TRPM1: variants seen among roughly 807,000 people sequenced by gnomAD.
TRPM1 encodes TRPM1-203 APA Isoform, Intron 10.
TRPM1 carries 113 observed loss-of-function variants against 149.4 expected under a neutral mutation model. The observed-to-expected ratio is 0.76, with a 90% CI of 0.65 to 0.88. The LOEUF (loss-of-function observed/expected upper bound fraction) is 0.88. Ranked by LOEUF, TRPM1 falls within the 40% of genes least tolerant of loss-of-function variation. The pLI, the probability that TRPM1 is intolerant of heterozygous loss-of-function variation, is 0.00. For missense variants in TRPM1, 1,976 were observed against 2,038.7 expected (o/e 0.97, Z 0.59); for synonymous variants, 741 against 759.5 (o/e 0.98, Z 0.40).
At chr15:31,030,739 G>A (rs986017981) in intron 23 of TRPM1, among the ~76,000 whole-genome samples, 1 of 152,158 alleles carries the variant, frequency 6.6e-6, no homozygotes, top group Non-Finnish European at 1.5e-5. Flanking sequence ...CATGTGACAC[G>A]ATGTCCATCA....
chr15:31,098,309 G>A lies in TRPM1; in HGVS notation c.-84+3348C>T, dbSNP rs1036407219. On this transcript the variant is annotated intron_variant, in intron 1 of 27. Coordinates refer to ENST00000256552, the MANE Select transcript of TRPM1 (RefSeq NM_001252024.2). Reference sequence around the variant, plus strand: ...TACAAAATTAGCTGGGCGTGGTGGCGGGCACCTGTAATCCCAGCTAGTTGG... The same window carrying A: ...TACAAAATTAGCTGGGCGTGGTGGCAGGCACCTGTAATCCCAGCTAGTTGG... Among the ~76,000 whole-genome samples, 6 of 152,114 alleles carry A rather than the reference G, an allele frequency of 3.9e-5. No individual in the cohort carries two copies. In the East Asian group the frequency reaches 5.8e-4, roughly 15 times the overall value.
intron 1 of TRPM1, among the ~76,000 whole-genome samples, chr15:31,084,676 CTTTT>C (rs59470983): frequency 7.8e-6 from 1 of 128,472 alleles, no homozygotes; most frequent in Non-Finnish European, 1.6e-5. Context: ...TTTTTCTTTT[CTTTT>C]TTTTTTTTTT....
intron 22 of TRPM1, among the ~76,000 whole-genome samples, chr15:31,032,378 T>C (rs1376259230): frequency 1.3e-5 from 2 of 152,096 alleles, no homozygotes; most frequent in African/African-American, 4.8e-5. Context: ...CTGATATATA[T>C]TGAGAGAGAT....
intron 1 of TRPM1, among the ~76,000 whole-genome samples, chr15:31,088,834 G>T (rs548490085): frequency 6.6e-6 from 1 of 150,422 alleles, no homozygotes; most frequent in African/African-American, 2.4e-5. Flanking sequence ...CCTTTGTACC[G>T]GGGCGATGCG....
At chr15:31,026,779 T>C in intron 26 of TRPM1, 136 bp downstream of exon 26, 1 of 900,094 alleles carries the variant, frequency 1.1e-6, no homozygotes, top group Admixed American at 2.3e-5. Flanking sequence ...AGAAGCCTTT[T>C]GAAAAGAACA....
intron 1 of TRPM1, among the ~76,000 whole-genome samples, chr15:31,124,796 G>C (rs2035925728): frequency 6.6e-6 from 1 of 152,138 alleles, no homozygotes; most frequent in Admixed American, 6.5e-5. Flanking sequence ...ATGAACAGTT[G>C]GAGTACAGGG....
chr15:31,149,719 C>T (rs532933232), intron 1 of TRPM1, among the ~76,000 whole-genome samples: 37 of 152,184 alleles, frequency 2.4e-4, no homozygotes, highest in Non-Finnish European at 4.7e-4. Flanking sequence ...CGGGGTTTCA[C>T]CGTGTTAGCC....
At chr15:31,066,585 G>A (rs975990137) in intron 6 of TRPM1, among the ~76,000 whole-genome samples, 67 of 152,122 alleles carry the variant, frequency 4.4e-4, no homozygotes, top group African/African-American at 1.4e-3. Context: ...AAAGAAACTG[G>A]TGCCTCCATA....
At position 31,026,089 on chromosome 15, in the gene TRPM1, A is replaced by C. The variant is rs1190235189; in HGVS notation, c.3629+50T>G. The C allele has an allele frequency of 4.4e-6, 7 of 1,606,180 alleles. No homozygotes were observed. The East Asian group carries it at 1.6e-4, about 36-fold the overall frequency. On this transcript the variant is annotated intron_variant, in intron 27 of 27. Coordinates refer to ENST00000256552, the MANE Select transcript of TRPM1 (RefSeq NM_001252024.2). ...CATCCCCCATAGAGTGGGGCGCCCG[A>C]GTCAGCAAACCCTTGGCTCACGGGC...
intron 1 of TRPM1, among the ~76,000 whole-genome samples, chr15:31,130,735 G>A (rs1011474461): frequency 8.5e-5 from 13 of 152,264 alleles, no homozygotes; most frequent in African/African-American, 3.1e-4. Flanking sequence ...TGCAGTGTGG[G>A]AGGACAGCTT....
intron 16 of TRPM1, among the ~76,000 whole-genome samples, chr15:31,044,997 G>A (rs897577270): frequency 6.6e-6 from 1 of 152,094 alleles, no homozygotes; most frequent in African/African-American, 2.4e-5. Context: ...CTATTATGAA[G>A]TAGTATTATG....
chr15:31,033,960 G>A (rs943293105), intron 21 of TRPM1, among the ~76,000 whole-genome samples: 1 of 152,180 alleles, frequency 6.6e-6, no homozygotes, highest in East Asian at 1.9e-4. Flanking sequence ...TAATTAGACC[G>A]ATGCCATCAG....
At chr15:31,074,204 G>C (rs551777283) in intron 3 of TRPM1, among the ~76,000 whole-genome samples, 6 of 151,994 alleles carry the variant, frequency 3.9e-5, no homozygotes, top group Admixed American at 3.9e-4. Flanking sequence ...GGTAGTACTG[G>C]CCTCATTAAA....
chr15:31,030,755 A>T (rs1337178420), intron 23 of TRPM1, among the ~76,000 whole-genome samples: 1 of 152,260 alleles, frequency 6.6e-6, no homozygotes, highest in African/African-American at 2.4e-5. Flanking sequence ...CATCAGGTCC[A>T]GCTCAAGGGA....
At chr15:31,111,985 A>G (rs568713526) in intron 1 of TRPM1, among the ~76,000 whole-genome samples, 9 of 152,360 alleles carry the variant, frequency 5.9e-5, no homozygotes, top group Non-Finnish European at 1.2e-4. Context: ...CTTTTGTTTA[A>G]ATAAGCACAA....
chr15:31,064,765 A>G (rs1436933082), intron 7 of TRPM1, among the ~76,000 whole-genome samples: 1 of 152,180 alleles, frequency 6.6e-6, no homozygotes, highest in Non-Finnish European at 1.5e-5. Flanking sequence ...GGACTCTTAC[A>G]TATGTTGAAT....
intron 1 of TRPM1, among the ~76,000 whole-genome samples, chr15:31,156,593 C>T (rs1316535523): frequency 6.6e-6 from 1 of 152,172 alleles, no homozygotes; most frequent in Non-Finnish European, 1.5e-5. Flanking sequence ...ACCTATGTGA[C>T]CTGTGGGCCA....
At chr15:31,156,575 T>C (rs1190889527) in intron 1 of TRPM1, among the ~76,000 whole-genome samples, 1 of 152,186 alleles carries the variant, frequency 6.6e-6, no homozygotes, top group African/African-American at 2.4e-5. Flanking sequence ...CAGAAAACCT[T>C]TGTATCCACC....
At chr15:31,094,313 T>G (rs1369205070) in intron 1 of TRPM1, among the ~76,000 whole-genome samples, 1 of 152,180 alleles carries the variant, frequency 6.6e-6, no homozygotes, top group Non-Finnish European at 1.5e-5. Context: ...GATTTATAGA[T>G]ATGATACCAT....
Sources: gnomAD v4.1 joint callset for allele counts (sites outside exome capture counted in the v4.1 genomes callset) on GRCh38, gnomAD v4.1.1 for gene constraint, MANE v1.5 for transcripts, NCBI Gene and HGNC (gene_info 2026-07-23, HGNC 2026-07-21) for gene names.